The following PTPRK variants were observed in gnomAD, a reference collection of about 807,000 sequenced individuals.
The protein encoded by PTPRK is receptor-type tyrosine-protein phosphatase kappa.
A neutral mutation model predicts 178.0 loss-of-function variants in PTPRK; 75 were observed. The ratio of observed to expected loss-of-function variants is 0.42; its 90% CI spans 0.35 to 0.51. The LOEUF (loss-of-function observed/expected upper bound fraction) is 0.51, where lower values mean the gene tolerates loss of function less well. Ranked by LOEUF, PTPRK falls within the 20% of genes least tolerant of loss-of-function variation. The pLI is 0.02. For missense variants in PTPRK, 1,441 were observed against 1,797.8 expected, an observed-to-expected ratio of 0.80 and a Z score of 3.59; for synonymous variants, 637 against 620.6, an observed-to-expected ratio of 1.03 and a Z score of -0.39.
chr6:128,165,150 G>A (rs1799220397), intron 7 of PTPRK, among the ~76,000 whole-genome samples: 1 of 150,766 alleles, frequency 6.6e-6, no homozygotes, highest in African/African-American at 2.4e-5. Flanking sequence ...CCTAAATCAA[G>A]GGAGAAACAA....
intron 15 of PTPRK, 164 bp downstream of exon 15, chr6:128,004,904 TATCAATCTTGATGAGA>T (rs1365846409): frequency 1.7e-6 from 1 of 574,532 alleles, no homozygotes; most frequent in African/African-American, 1.9e-5. Context: ...CTAAATCCAG[TATCAATCTTGATGAGA>T]ATCCTTCTTG....
chr6:128,043,759 T>G (rs1224427958), intron 13 of PTPRK, among the ~76,000 whole-genome samples: 1 of 151,832 alleles, frequency 6.6e-6, no homozygotes, highest in East Asian at 1.9e-4. Flanking sequence ...TCTCAGTAAC[T>G]AACATTGCAA....
intron 21 of PTPRK, among the ~76,000 whole-genome samples, chr6:127,989,019 G>T (rs1262434200): frequency 1.3e-5 from 2 of 151,978 alleles, no homozygotes; most frequent in African/African-American, 4.8e-5. Context: ...ATCATTCAAG[G>T]ATTATTCAGA....
At chr6:128,486,856 AAAG>A (rs1852996801) in intron 1 of PTPRK, among the ~76,000 whole-genome samples, 1 of 143,648 alleles carries the variant, frequency 7.0e-6, no homozygotes, top group Non-Finnish European at 1.5e-5. Context: ...AAAAAAATAA[AAAG>A]GGAGGGAGGG....
chr6:128,252,708 C>T (rs572191364), intron 3 of PTPRK, among the ~76,000 whole-genome samples: 4 of 152,250 alleles, frequency 2.6e-5, no homozygotes, highest in African/African-American at 9.6e-5. Context: ...CAGTGCACAC[C>T]ACAGTTCCCA....
intron 3 of PTPRK, among the ~76,000 whole-genome samples, chr6:128,314,835 C>G (rs1460131520): frequency 1.3e-5 from 2 of 149,700 alleles, no homozygotes; most frequent in East Asian, 3.9e-4. Flanking sequence ...TTCTCCACCA[C>G]TATTTAAAAA....
At chr6:128,145,908 T>C (rs1469016530) in intron 7 of PTPRK, among the ~76,000 whole-genome samples, 1 of 152,220 alleles carries the variant, frequency 6.6e-6, no homozygotes, top group Non-Finnish European at 1.5e-5. Context: ...CATTACTTCA[T>C]GTTCCCAGGA....
chr6:128,479,080 A>G (rs1851726200), intron 1 of PTPRK, among the ~76,000 whole-genome samples: 1 of 152,056 alleles, frequency 6.6e-6, no homozygotes, highest in South Asian at 2.1e-4. Flanking sequence ...TGACTCTACT[A>G]GAGTGTAGCT....
At chr6:128,052,786 T>C (rs893239998) in intron 13 of PTPRK, among the ~76,000 whole-genome samples, 3 of 152,338 alleles carry the variant, frequency 2.0e-5, no homozygotes, top group South Asian at 2.1e-4. Context: ...CATCTTTCTC[T>C]ATTTATATCA....
chr6:128,252,434 A>G (rs1236403057), intron 3 of PTPRK, among the ~76,000 whole-genome samples: 3 of 152,224 alleles, frequency 2.0e-5, no homozygotes, highest in African/African-American at 7.2e-5. Context: ...ACGCAGGTTT[A>G]TATGTATCAA....
Position 127,976,905 on chromosome 6 carries a change from C to T in PTPRK, c.3843+18G>A. 1 of 1,613,504 alleles carries T rather than the reference C, an allele frequency of 6.2e-7. No individual in the cohort carries two copies. Among genetic ancestry groups the T allele is most frequent in the Non-Finnish European group, 8.5e-7 (1 of 1,179,888 alleles). On this transcript the variant is annotated intron_variant, in intron 26 of 29. Transcript: ENST00000368226. ...TAAGTTGTATATAAGTACATAAAAG[C>T]AATCCATAGCCATTAACCTGGGACA...
At chr6:128,127,573 G>C (rs557203069) in intron 7 of PTPRK, among the ~76,000 whole-genome samples, 1 of 152,134 alleles carries the variant, frequency 6.6e-6, no homozygotes, top group Non-Finnish European at 1.5e-5. Context: ...TTATGACCTA[G>C]GATTTTATGT....
chr6:128,008,015 C>T (rs1195450170), intron 14 of PTPRK: 1 of 1,298,692 alleles, frequency 7.7e-7, no homozygotes, highest in Non-Finnish European at 1.0e-6. Flanking sequence ...ACGTATGTAG[C>T]TAATTTAACA....
intron 6 of PTPRK, among the ~76,000 whole-genome samples, chr6:128,193,130 C>A (rs951730609): frequency 5.9e-5 from 9 of 151,822 alleles, no homozygotes; most frequent in African/African-American, 2.2e-4. Context: ...ACACTCTGAA[C>A]GATGTAGCAA....
At chr6:128,192,742 G>C (rs1009979243) in intron 6 of PTPRK, among the ~76,000 whole-genome samples, 1 of 151,536 alleles carries the variant, frequency 6.6e-6, no homozygotes, top group Non-Finnish European at 1.5e-5. Flanking sequence ...CCTGAGCCTG[G>C]GAAAGTTGAA....
intron 11 of PTPRK, among the ~76,000 whole-genome samples, chr6:128,076,013 G>A (rs1184695308): frequency 2.0e-5 from 3 of 151,952 alleles, no homozygotes; most frequent in African/African-American, 4.8e-5. Context: ...TATTTGGGAA[G>A]GTGACAGGGG....
At chr6:128,318,640 T>C (rs1478788444) in intron 3 of PTPRK, among the ~76,000 whole-genome samples, 1 of 152,186 alleles carries the variant, frequency 6.6e-6, no homozygotes. Context: ...ACTAATAGTT[T>C]TGCAAGTTAC....
intron 10 of PTPRK, among the ~76,000 whole-genome samples, chr6:128,080,604 T>TG (rs1293796256): frequency 3.3e-5 from 5 of 152,196 alleles, no homozygotes; most frequent in Middle Eastern, 6.8e-3. Context: ...GTAGTATGTA[T>TG]GTGTGTATAT....
At chr6:128,000,240 T>G (rs1777650065) in intron 15 of PTPRK, 2 of 1,183,420 alleles carry the variant, frequency 1.7e-6, no homozygotes, top group Non-Finnish European at 2.2e-6. Context: ...ATATTTCAAG[T>G]GCTAGTACAT....
Sources: allele counts gnomAD v4.1 joint callset (sites outside exome capture counted in the v4.1 genomes callset), GRCh38; gene constraint gnomAD v4.1.1; transcripts MANE v1.5; gene names NCBI Gene and HGNC (gene_info 2026-07-23, HGNC 2026-07-21).